Variants in RBFOX1 observed in about 807,000 individuals in gnomAD.
RBFOX1 encodes the protein RNA binding protein fox-1 homolog 1.
A neutral mutation model predicts 57.7 loss-of-function variants in RBFOX1; 8 were observed. The observed-to-expected ratio is 0.14, with a 90% CI of 0.08 to 0.25. RBFOX1 has a LOEUF of 0.25. Among genes scored for constraint, RBFOX1 ranks in the 10% least tolerant of loss-of-function variants. The pLI is 1.00. For missense variants in RBFOX1, 611 were observed against 548.5 expected (o/e 1.11, Z -1.14); for synonymous variants, 326 against 222.4 (o/e 1.47, Z -4.15).
chr16:6,981,762 C>G (rs551809034), intron 3 of RBFOX1, among the ~76,000 whole-genome samples: 13 of 152,088 alleles, frequency 8.5e-5, no homozygotes, highest in Non-Finnish European at 1.9e-4. Flanking sequence ...AATTATTTCC[C>G]GCCTGGTTCC....
intron 2 of RBFOX1, among the ~76,000 whole-genome samples, chr16:6,515,723 C>A (rs1033954040): frequency 1.3e-5 from 2 of 152,018 alleles, no homozygotes. Flanking sequence ...TTCAGGCTAC[C>A]CCATACCTCC....
intron 1 of RBFOX1, among the ~76,000 whole-genome samples, chr16:5,428,122 CTG>C (rs3084227): frequency 0.44 from 62,693 of 141,580 alleles, 15,412 homozygotes; most frequent in East Asian, 0.63. Flanking sequence ...GTGTGTGTGT[CTG>C]TGTGTGTGTG....
intron 1 of RBFOX1, among the ~76,000 whole-genome samples, chr16:5,252,033 G>A (rs2062465205): frequency 1.3e-5 from 2 of 152,168 alleles, no homozygotes; most frequent in African/African-American, 2.4e-5. Flanking sequence ...TGTAGCCCCC[G>A]CTGAGCTGGG....
exon 3 of RBFOX1, chr16:5,599,487 GAAGTTCCCTGC>G (rs1008459093): frequency 2.6e-5 from 13 of 496,790 alleles, no homozygotes; most frequent in African/African-American, 1.7e-4. Context: ...CAGTGGCCAG[GAAGTTCCCTGC>G]ACAGATACTT....
chr16:7,491,450 A>C (rs2151537242), intron 4 of RBFOX1, among the ~76,000 whole-genome samples: 1 of 138,762 alleles, frequency 7.2e-6, no homozygotes, highest in East Asian at 2.2e-4. Flanking sequence ...AGGACTAGAC[A>C]CACCAAACAT....
chr16:6,776,483 T>C (rs184408160), intron 3 of RBFOX1, among the ~76,000 whole-genome samples: 1 of 152,218 alleles, frequency 6.6e-6, no homozygotes, highest in African/African-American at 2.4e-5. Flanking sequence ...AGTGCAATTC[T>C]TTAAAGTGCA....
intron 3 of RBFOX1, among the ~76,000 whole-genome samples, chr16:5,649,173 A>T (rs1394181565): frequency 1.3e-5 from 2 of 152,020 alleles, no homozygotes; most frequent in African/African-American, 4.8e-5. Context: ...GTACATATGT[A>T]TATATGTACT....
At chr16:5,691,770 CT>C (rs112873353) in intron 3 of RBFOX1, among the ~76,000 whole-genome samples, 616 of 151,536 alleles carry the variant, frequency 4.1e-3, no homozygotes, top group African/African-American at 0.014. Context: ...TAAACATTAT[CT>C]TTTTTTTTAT....
At chr16:7,420,692 A>G (rs1201633447) in intron 4 of RBFOX1, among the ~76,000 whole-genome samples, 1 of 151,418 alleles carries the variant, frequency 6.6e-6, no homozygotes, top group Non-Finnish European at 1.5e-5. Flanking sequence ...AATAGCAGTA[A>G]TTGGGCATAT....
At chr16:6,628,696 T>C (rs2098342345) in intron 2 of RBFOX1, among the ~76,000 whole-genome samples, 1 of 152,196 alleles carries the variant, frequency 6.6e-6, no homozygotes, top group South Asian at 2.1e-4. Context: ...TACTGAAATA[T>C]ACAAACCTTG....
intron 4 of RBFOX1, among the ~76,000 whole-genome samples, chr16:5,883,761 A>G (rs2057827135): frequency 6.6e-6 from 1 of 152,210 alleles, no homozygotes; most frequent in East Asian, 1.9e-4. Context: ...CTGATTAGCA[A>G]CATTCCTGTG....
chr16:6,753,729 C>T (rs1027818345), intron 3 of RBFOX1, among the ~76,000 whole-genome samples: 3 of 118,268 alleles, frequency 2.5e-5, no homozygotes, highest in Admixed American at 8.9e-5. Flanking sequence ...TCAGAGTTAG[C>T]GGAGCAGCAG....
At chr16:6,196,277 C>G (rs2097179317) in intron 1 of RBFOX1, among the ~76,000 whole-genome samples, 1 of 152,124 alleles carries the variant, frequency 6.6e-6, no homozygotes, top group African/African-American at 2.4e-5. Flanking sequence ...ACCCCTGCAC[C>G]AGAGGAAGTT....
At chr16:6,496,961 C>CA (rs759599359) in intron 2 of RBFOX1, among the ~76,000 whole-genome samples, 3,195 of 151,804 alleles carry the variant, frequency 0.021, 53 homozygotes, top group Non-Finnish European at 0.032. Flanking sequence ...ACTCCGTCTT[C>CA]GGAAAAAAAG....
chr16:6,857,035 A>T (rs140464134), intron 3 of RBFOX1, among the ~76,000 whole-genome samples: 1 of 152,178 alleles, frequency 6.6e-6, no homozygotes, highest in Non-Finnish European at 1.5e-5. Context: ...GCTTACTGCA[A>T]ATCGTGTTCA....
chr16:7,318,649 A>T (rs2096488537), intron 4 of RBFOX1, among the ~76,000 whole-genome samples: 2 of 152,202 alleles, frequency 1.3e-5, no homozygotes, highest in African/African-American at 4.8e-5. Context: ...ACGTTTGTTA[A>T]ATAAAGTGTC....
At chr16:7,621,945 C>T (rs1482451197) in intron 10 of RBFOX1, among the ~76,000 whole-genome samples, 1 of 152,138 alleles carries the variant, frequency 6.6e-6, no homozygotes, top group Non-Finnish European at 1.5e-5. Context: ...AGCTGTCTTC[C>T]AATGAAACTT....
chr16:6,400,992 G>C (rs1266934684), intron 2 of RBFOX1, among the ~76,000 whole-genome samples: 1 of 152,152 alleles, frequency 6.6e-6, no homozygotes, highest in African/African-American at 2.4e-5. Flanking sequence ...CATAATTATA[G>C]AAATACACAA....
chr16:7,560,142 G>A (rs1481156294), intron 5 of RBFOX1, among the ~76,000 whole-genome samples: 1 of 152,214 alleles, frequency 6.6e-6, no homozygotes, highest in Non-Finnish European at 1.5e-5. Context: ...AGAAAGACCA[G>A]TGCGATTCAT....
Sources: allele counts gnomAD v4.1 joint callset (sites outside exome capture counted in the v4.1 genomes callset), GRCh38; gene constraint gnomAD v4.1.1; transcripts MANE v1.5; gene names NCBI Gene and HGNC (gene_info 2026-07-23, HGNC 2026-07-21).